The following KLF8 variants were observed in gnomAD, a reference collection of about 807,000 sequenced individuals.
KLF8 encodes KLF transcription factor 8.
A neutral mutation model predicts 18.2 loss-of-function variants in KLF8; 10 were observed. The ratio of observed to expected loss-of-function variants is 0.55; its 90% CI spans 0.34 to 0.93. KLF8 has a LOEUF of 0.93. Among genes scored for constraint, KLF8 ranks in the 40% least tolerant of loss-of-function variants. The probability of loss-of-function intolerance (pLI) is 0.02; values close to 1 mark genes in which losing one functional copy is unlikely to be tolerated. For synonymous variants in KLF8, 109 were observed against 97.3 expected (o/e 1.12, Z -0.71); for missense variants, 264 against 277.9 (o/e 0.95, Z 0.36).
chrX:56,150,860 A>G, the KLF8 span, among the ~76,000 whole-genome samples: 1 of 111,675 alleles, frequency 9.0e-6, no homozygotes, highest in African/African-American at 3.3e-5. Context: ...GATAATTATT[A>G]TTAATCATAC....
At chrX:56,273,394 G>A (rs1162863114) in intron 5 of KLF8, among the ~76,000 whole-genome samples, 1 of 109,975 alleles carries the variant, frequency 9.1e-6, no homozygotes, top group African/African-American at 3.3e-5. Flanking sequence ...TAATGAAGCT[G>A]TTGTGCTATC....
chrX:56,202,563 C>CG, the KLF8 span, among the ~76,000 whole-genome samples: 1 of 90,371 alleles, frequency 1.1e-5, no homozygotes, highest in African/African-American at 3.9e-5. Flanking sequence ...TAACCTTCCC[C>CG]CCCCCTCCCA....
the KLF8 span, among the ~76,000 whole-genome samples, chrX:55,987,151 T>G: frequency 9.4e-6 from 1 of 106,799 alleles, no homozygotes; most frequent in Non-Finnish European, 1.9e-5. Context: ...ATGAGGCTGC[T>G]GGGTCAAATG....
the KLF8 span, among the ~76,000 whole-genome samples, chrX:56,078,394 G>A: frequency 4.5e-5 from 5 of 112,209 alleles, no homozygotes; most frequent in African/African-American, 1.6e-4. Flanking sequence ...CATCTATTGA[G>A]ATAATCATGT....
At chrX:56,251,334 A>C (rs58919621) in intron 2 of KLF8, among the ~76,000 whole-genome samples, 20,704 of 112,069 alleles carry the variant, frequency 0.18, 3,831 homozygotes, top group African/African-American at 0.58. Context: ...TTGAGTATAC[A>C]GTGTTGTATA....
At chrX:56,015,251 C>T in the KLF8 span, 2 of 111,756 alleles carry the variant, frequency 1.8e-5, no homozygotes, top group South Asian at 3.7e-4. Context: ...ATCTACAGTA[C>T]GTCAGATTTG....
chrX:55,996,860 G>T, the KLF8 span, among the ~76,000 whole-genome samples: 2 of 112,203 alleles, frequency 1.8e-5, no homozygotes, highest in Admixed American at 9.4e-5. Flanking sequence ...GCATGGCAGG[G>T]TCCGTGCATA....
At chrX:56,070,601 G>A in the KLF8 span, among the ~76,000 whole-genome samples, 4 of 110,524 alleles carry the variant, frequency 3.6e-5, no homozygotes, top group Non-Finnish European at 3.8e-5. Context: ...TCATAGGTAG[G>A]AGTTGAACAA....
chrX:55,927,275 A>G, the KLF8 span, among the ~76,000 whole-genome samples: 1 of 111,979 alleles, frequency 8.9e-6, no homozygotes, highest in East Asian at 2.8e-4. Context: ...ATATGCCAGT[A>G]GCAACTCCTC....
At chrX:55,924,677 T>A in the KLF8 span, among the ~76,000 whole-genome samples, 4 of 110,619 alleles carry the variant, frequency 3.6e-5, no homozygotes, top group Non-Finnish European at 7.5e-5. Flanking sequence ...CATTTGATAC[T>A]CAAATACCTG....
At chrX:56,087,541 C>T in the KLF8 span, among the ~76,000 whole-genome samples, 1 of 110,576 alleles carries the variant, frequency 9.0e-6, no homozygotes, top group South Asian at 3.9e-4. Context: ...AAGCAGATGC[C>T]AGCATCATGG....
rs190367344 is a variant in KLF8 at position 56,277,861 on chromosome X, C to A, written c.899-6452C>A. ...ACTGTGGCTGAATTGGCACTCAAAC[C>A]ATGAGACACAGTTCTTCCTAGTCTT... On this transcript the variant is annotated intron_variant, in intron 5 of 5. Transcript: ENST00000468660. Among the ~76,000 whole-genome samples, 6 of 112,655 alleles carry A rather than the reference C, an allele frequency of 5.3e-5. No individual in the cohort carries two copies. In the East Asian group the frequency reaches 1.7e-3, roughly 32 times the overall value.
At chrX:55,969,593 G>GAAAATGTT in the KLF8 span, among the ~76,000 whole-genome samples, 5 of 111,219 alleles carry the variant, frequency 4.5e-5, no homozygotes, top group African/African-American at 1.6e-4. Context: ...AGATAACAAA[G>GAAAATGTT]AGCGGAAATA....
At chrX:55,929,311 T>C in the KLF8 span, among the ~76,000 whole-genome samples, 1 of 111,931 alleles carries the variant, frequency 8.9e-6, no homozygotes, top group Non-Finnish European at 1.9e-5. Context: ...CTCCCATTCT[T>C]TAGGTTGCCT....
chrX:56,230,128 T>C (rs1384207303), upstream of KLF8, among the ~76,000 whole-genome samples: 4 of 112,511 alleles, frequency 3.6e-5, no homozygotes, highest in Non-Finnish European at 7.5e-5. Context: ...TATTTCAGAC[T>C]GAAAAAGTAA....
the KLF8 span, among the ~76,000 whole-genome samples, chrX:56,044,042 G>T: frequency 3.4e-4 from 38 of 112,026 alleles, no homozygotes; most frequent in African/African-American, 1.2e-3. Flanking sequence ...TTTTTGAACA[G>T]TCAGGCCACT....
the KLF8 span, among the ~76,000 whole-genome samples, chrX:56,196,797 C>A: frequency 8.9e-6 from 1 of 111,810 alleles, no homozygotes; most frequent in African/African-American, 3.2e-5. Flanking sequence ...AATATACATT[C>A]TTCTCAGCAC....
At chrX:56,199,173 G>C in the KLF8 span, among the ~76,000 whole-genome samples, 7 of 111,865 alleles carry the variant, frequency 6.3e-5, no homozygotes, top group Non-Finnish European at 1.1e-4. Flanking sequence ...CAGGAAATAG[G>C]CATTGGCAAG....
chrX:55,989,936 GT>G, the KLF8 span, among the ~76,000 whole-genome samples: 9 of 111,650 alleles, frequency 8.1e-5, no homozygotes, highest in African/African-American at 2.9e-4. Context: ...TCTTGGGGGG[GT>G]GTATGTGTCA....
Sources: gnomAD v4.1 joint callset for allele counts (sites outside exome capture counted in the v4.1 genomes callset) on GRCh38, gnomAD v4.1.1 for gene constraint, MANE v1.5 for transcripts, NCBI Gene and HGNC (gene_info 2026-07-23, HGNC 2026-07-21) for gene names.